Variants in CP observed in about 807,000 individuals in gnomAD.
CP encodes caeruloplasmin.
In CP, 64 loss-of-function variants were observed where a neutral mutation model predicts 122.4. The ratio of observed to expected loss-of-function variants is 0.52; its 90% CI spans 0.43 to 0.64. CP has a LOEUF of 0.64. Ranked by LOEUF, CP falls within the 30% of genes least tolerant of loss-of-function variation. CP has a pLI of 0.00. For missense variants in CP, 1,167 were observed against 1,284.4 expected (o/e 0.91, Z 1.40); for synonymous variants, 440 against 436.4 (o/e 1.01, Z -0.10).
rs1576722203 is a variant in CP, at chr3:149,174,148, C to G, written c.3182-418G>C. On this transcript the variant is annotated intron_variant, in intron 18 of 18. Transcript: ENST00000264613. ...TAATCATAAGGAAACATTAGACAAA[C>G]TCAAATTGAAGGACATTCTACAAAG... is the stretch of plus-strand genomic sequence containing the variant. Among the ~76,000 whole-genome samples the G allele has an allele frequency of 2.0e-5, 3 of 152,202 alleles. No homozygotes were observed. In the Middle Eastern group the frequency reaches 0.01, roughly 518 times the overall value.
chr3:149,193,844 G>C (rs1247928215), intron 9 of CP, among the ~76,000 whole-genome samples: 1 of 152,174 alleles, frequency 6.6e-6, no homozygotes, highest in Non-Finnish European at 1.5e-5. Context: ...GATTCAGATG[G>C]GCATGAGAAA....
downstream of CP, chr3:149,172,086 T>C (rs932431947): frequency 6.2e-7 from 1 of 1,612,180 alleles, no homozygotes; most frequent in East Asian, 2.2e-5. Flanking sequence ...GATATTCTTT[T>C]CTACACAGAA....
At chr3:149,199,657 C>G in intron 8 of CP, 55 bp downstream of exon 8, 1 of 1,597,086 alleles carries the variant, frequency 6.3e-7, no homozygotes, top group Non-Finnish European at 8.6e-7. Flanking sequence ...TGTCAGTGAC[C>G]AGTACAGTGG....
intron 2 of CP, 134 bp from the exon 3 acceptor site, chr3:149,210,513 A>G (rs997032571): frequency 7.5e-6 from 6 of 798,754 alleles, no homozygotes; most frequent in Admixed American, 2.0e-5. Flanking sequence ...GTGTTATCCT[A>G]TTTGGACACA....
Position 149,182,134 on chromosome 3 carries a change from C to G in CP, c.2426-1G>C. 1 of 1,614,092 alleles carries G rather than the reference C, an allele frequency of 6.2e-7. No homozygotes were observed. Among genetic ancestry groups the G allele is most frequent in the Non-Finnish European group, 8.5e-7 (1 of 1,179,982 alleles). On this transcript the variant is annotated splice_acceptor_variant, in intron 13 of 18. Coordinates refer to ENST00000264613, the MANE Select transcript of CP (RefSeq NM_000096.4). LOFTEE classifies it high-confidence loss of function. ...CCAACATCTGCATGAAGTTGTGGAC[C>G]TGGCAAAAGTGAAGAGGAAGAGTGT... is the stretch of plus-strand genomic sequence containing the variant.
intron 4 of CP, among the ~76,000 whole-genome samples, chr3:149,208,290 T>C (rs1223866086): frequency 6.6e-6 from 1 of 152,142 alleles, no homozygotes; most frequent in African/African-American, 2.4e-5. Context: ...TGGAAATTAG[T>C]TCTGGGAAGA....
At chr3:149,168,122 A>G (rs1724616242), downstream of CP, 1 of 652,250 alleles carries the variant, frequency 1.5e-6, no homozygotes, top group Admixed American at 2.6e-5. Flanking sequence ...TATTTTCAGC[A>G]TTCACGTACC....
chr3:149,206,306 C>T lies in CP; in HGVS notation c.1070G>A (p.Cys357Tyr). Reference sequence around the variant, plus strand: ...ATTATCCTTTGATGAAGACTTGTTACACTCCTGGACCTGGAAAAAGGCTTG... The same window carrying T: ...ATTATCCTTTGATGAAGACTTGTTATACTCCTGGACCTGGAAAAAGGCTTG... The part of the protein sequence containing the change: ...GLQAFFQVQE[C>Y]NKSSSKDNIR... The change falls in exon 6 of 19, where the codon TGT (cysteine) becomes TAT (tyrosine). Residue 357 changes from cysteine to tyrosine, a missense_variant. Around this residue, in one of 2 missense-constraint regions of CP, gnomAD observed 642 missense variants for 627.3 expected, o/e 1.02. Transcript: ENST00000264613. 2 of 1,613,926 alleles carry T rather than the reference C, an allele frequency of 1.2e-6. No individual in the cohort carries two copies. Among genetic ancestry groups the T allele is most frequent in the Non-Finnish European group, 1.7e-6 (2 of 1,179,844 alleles).
intron 6 of CP, among the ~76,000 whole-genome samples, chr3:149,204,465 G>A (rs1391814848): frequency 6.6e-6 from 1 of 152,212 alleles, no homozygotes; most frequent in Non-Finnish European, 1.5e-5. Context: ...CCTCATCCAT[G>A]TGGGGGTGTC....
intron 13 of CP, 28 bp from the exon 14 acceptor site, chr3:149,182,161 C>A: frequency 6.2e-7 from 1 of 1,613,256 alleles, no homozygotes; most frequent in Non-Finnish European, 8.5e-7. Flanking sequence ...GAAGAGTGTC[C>A]AATCAGAAGG....
downstream of CP, chr3:149,172,483 T>C (rs1186442087): frequency 2.4e-5 from 8 of 330,154 alleles, no homozygotes; most frequent in Admixed American, 3.0e-4. Flanking sequence ...TAAGAATTCC[T>C]CAAAGAAGCC....
intron 2 of CP, among the ~76,000 whole-genome samples, chr3:149,212,065 G>A (rs186761458): frequency 1.1e-4 from 16 of 151,984 alleles, no homozygotes; most frequent in Admixed American, 3.9e-4. Context: ...AGGCTGAGGC[G>A]GGCAGATCAG....
intron 17 of CP, among the ~76,000 whole-genome samples, chr3:149,176,962 A>G (rs1177227918): frequency 2.0e-5 from 3 of 152,212 alleles, no homozygotes; most frequent in Non-Finnish European, 4.4e-5. Flanking sequence ...ATCTATGTAA[A>G]ACAAAATGCA....
chr3:149,168,144 A>T (rs1724619236), downstream of CP: 1 of 613,754 alleles, frequency 1.6e-6, no homozygotes, highest in African/African-American at 1.9e-5. Context: ...TCCCCTTGAC[A>T]TTTGATATTG....
intron 2 of CP, among the ~76,000 whole-genome samples, chr3:149,212,226 G>T (rs940172751): frequency 1.3e-5 from 2 of 152,034 alleles, no homozygotes; most frequent in African/African-American, 4.8e-5. Context: ...CAGGAGAATG[G>T]CTTGAACCCC....
intron 18 of CP, 113 bp from the exon 19 acceptor site, chr3:149,173,843 T>G (rs954219791): frequency 3.0e-5 from 16 of 541,856 alleles, no homozygotes; most frequent in Non-Finnish European, 5.3e-5. Flanking sequence ...CCTGATTCAT[T>G]TATATTTTTC....
chr3:149,177,939 T>C lies in CP; in HGVS notation c.2919A>G (p.Thr973=). 1 of 1,613,642 alleles carries C rather than the reference T, an allele frequency of 6.2e-7. No homozygotes were observed. ...AGTTGACTTCATCTCCCACGTGCAT[T>C]GTGAGGCCTTGTAGGTTTCCAAACA... The part of the protein sequence containing the change: ...GRMFGNLQGL[T]MHVGDEVNWY... Residue 973 remains threonine, a synonymous_variant, in exon 17 of 19, where the codon ACA becomes ACG. Coordinates refer to ENST00000264613, the MANE Select transcript of CP (RefSeq NM_000096.4).
At chr3:149,184,028 CTTTTTTTTTTTTTTTTT>C (rs869206210) in intron 12 of CP, among the ~76,000 whole-genome samples, 1 of 63,564 alleles carries the variant, frequency 1.6e-5, no homozygotes. Flanking sequence ...TCACTTACTT[CTTTTTTTTTTTTTTTTT>C]TTTTTTTTTT....
chr3:149,219,465 G>C (rs1053519640), intron 1 of CP, among the ~76,000 whole-genome samples: 1 of 152,152 alleles, frequency 6.6e-6, no homozygotes, highest in African/African-American at 2.4e-5. Flanking sequence ...TCATGGTAGT[G>C]AATAAGTCTC....
Sources: gnomAD v4.1 joint callset for allele counts (sites outside exome capture counted in the v4.1 genomes callset) on GRCh38, gnomAD v4.1.1 for gene constraint, gnomAD v4.1.1 regional missense constraint, MANE v1.5 for transcripts, NCBI Gene and HGNC (gene_info 2026-07-23, HGNC 2026-07-21) for gene names.